PUDP: variants seen among roughly 807,000 people sequenced by gnomAD.
PUDP encodes the protein pseudouridine 5'-phosphatase, also known as pseudouridine-5'-phosphatase.
In PUDP, 8 loss-of-function variants were observed where a neutral mutation model predicts 9.4. The observed-to-expected ratio is 0.85, with a 90% confidence interval of 0.50 to 1.53. The LOEUF (loss-of-function observed/expected upper bound fraction) is 1.53. Among genes scored for constraint, PUDP ranks in the 40% most tolerant of loss-of-function variants. The probability of loss-of-function intolerance (pLI) is 0.00; values close to 1 mark genes in which losing one functional copy is unlikely to be tolerated. For missense variants in PUDP, 188 were observed against 189.7 expected, an observed-to-expected ratio of 0.99 and a Z score of 0.05; for synonymous variants, 99 against 80.7, an observed-to-expected ratio of 1.23 and a Z score of -1.22.
rs1929118543 is a variant in PUDP at position 6,987,470 on chromosome X, A to T, written c.205-9127T>A. Among the ~76,000 whole-genome samples the T allele has an allele frequency of 2.7e-5, 3 of 112,135 alleles. No individual in the cohort carries two copies. In the East Asian group the frequency reaches 8.4e-4, roughly 31 times the overall value. ...CTTAACATCACTGAGCTTTCGTTGT[A>T]AAGGAGAGGCAGTAATACCTACCTT... is the stretch of plus-strand genomic sequence containing the variant. On this transcript the variant is annotated intron_variant and NMD_transcript_variant, in intron 1 of 3. Transcript: ENST00000655425.
intron 3 of PUDP, among the ~76,000 whole-genome samples, chrX:6,772,583 A>T (rs1248941243): frequency 9.2e-6 from 1 of 108,859 alleles, no homozygotes; most frequent in African/African-American, 3.3e-5. Context: ...TCCCAGAAAA[A>T]CAAATTTCAG....
At chrX:7,045,929 T>C (rs1261666350), downstream of PUDP, among the ~76,000 whole-genome samples, 1 of 112,032 alleles carries the variant, frequency 8.9e-6, no homozygotes, top group African/African-American at 3.2e-5. Context: ...TAAACTGGAA[T>C]TGAATATGCA....
chrX:6,819,596 A>G (rs779159601), intron 3 of PUDP, among the ~76,000 whole-genome samples: 1 of 112,833 alleles, frequency 8.9e-6, no homozygotes, highest in Non-Finnish European at 1.9e-5. Flanking sequence ...ACTCAAAATC[A>G]TATTTGAAAC....
At chrX:7,110,491 A>G (rs756028819) in intron 1 of PUDP, among the ~76,000 whole-genome samples, 2 of 111,763 alleles carry the variant, frequency 1.8e-5, no homozygotes, top group South Asian at 7.6e-4. Flanking sequence ...TTTACGGGGA[A>G]AACACCTTGA....
At position 7,130,087 on chromosome X, in the gene PUDP, A is replaced by G. The variant is rs1373748708; in HGVS notation, c.61+17966T>C. On this transcript the variant is annotated intron_variant, in intron 1 of 3. Transcript: ENST00000381077. ...GGAAATCATGGTGCATCCCATGGTT[A>G]AATAATCTCCCTACCCCAGGAAGGA... is the stretch of plus-strand genomic sequence containing the variant. Among the ~76,000 whole-genome samples the G allele has an allele frequency of 2.7e-5, 3 of 111,682 alleles. No homozygotes were observed. In the Admixed American group the frequency reaches 2.9e-4, roughly 11 times the overall value.
chrX:6,735,942 G>A (rs1569089513), intron 3 of PUDP, among the ~76,000 whole-genome samples: 1 of 109,061 alleles, frequency 9.2e-6, no homozygotes, highest in East Asian at 2.9e-4. Context: ...AGGGTGTTGA[G>A]GTGGGAGAAT....
At chrX:7,136,586 C>G (rs1242713061) in intron 1 of PUDP, among the ~76,000 whole-genome samples, 1 of 111,878 alleles carries the variant, frequency 8.9e-6, no homozygotes, top group East Asian at 2.8e-4. Context: ...CACCCTTTTA[C>G]TCTTTTGAGA....
Position 6,813,066 on chromosome X carries a change from C to G in PUDP, c.*248-106600G>C, listed in dbSNP as rs1211978236. Among the ~76,000 whole-genome samples the G allele has an allele frequency of 3.7e-5, 4 of 108,662 alleles. No individual in the cohort carries two copies. In the East Asian group the frequency reaches 1.2e-3, roughly 31 times the overall value. 94.4% of individuals were successfully genotyped at this position (108,662 alleles called of 115,157 possible). On this transcript the variant is annotated intron_variant and NMD_transcript_variant, in intron 3 of 3. Coordinates refer to the PUDP transcript ENST00000655425. Reference sequence around the variant, plus strand: ...CTATAATCACACTAACATACTCCAGCCTGGGAAACAGATAGAGACACTGTC... The same window carrying G: ...CTATAATCACACTAACATACTCCAGGCTGGGAAACAGATAGAGACACTGTC...
At position 7,030,481 on chromosome X, in the gene PUDP, C is replaced by T. The variant is rs752024012; in HGVS notation, c.204+46739G>A. ...CCATGCTGAAAAGCTTAGAGTATTT[C>T]CAGGAGAATGGCATAGCACCCCACA... On this transcript the variant is annotated intron_variant and NMD_transcript_variant, in intron 1 of 3. Transcript: ENST00000655425. Among the ~76,000 whole-genome samples, 73 of 111,816 alleles carry T rather than the reference C, an allele frequency of 6.5e-4. 1 individual carries two copies. Among genetic ancestry groups the T allele is most frequent in the African/African-American group, 2.3e-3 (72 of 30,849 alleles).
chrX:7,053,319 T>A (rs1183235352), intron 3 of PUDP, among the ~76,000 whole-genome samples: 1 of 111,371 alleles, frequency 9.0e-6, no homozygotes, highest in East Asian at 2.8e-4. Flanking sequence ...AAAGAGATAA[T>A]GGAAGGCACC....
intron 1 of PUDP, among the ~76,000 whole-genome samples, chrX:6,990,995 T>G (rs1244649606): frequency 8.9e-6 from 1 of 112,656 alleles, no homozygotes; most frequent in African/African-American, 3.2e-5. Flanking sequence ...GATAGTTGCT[T>G]CTGTCACTTG....
chrX:7,038,352 C>T (rs1327526458), intron 1 of PUDP, among the ~76,000 whole-genome samples: 3 of 112,162 alleles, frequency 2.7e-5, no homozygotes, highest in South Asian at 3.7e-4. Flanking sequence ...GGCTATGTGA[C>T]GTAGGCTGGC....
intron 3 of PUDP, among the ~76,000 whole-genome samples, chrX:6,921,309 T>C (rs1928019666): frequency 9.1e-6 from 1 of 109,866 alleles, no homozygotes; most frequent in Admixed American, 9.7e-5. Flanking sequence ...CTTGAGACCT[T>C]GGAGGTTGAG....
chrX:6,866,600 C>T (rs1927090642), intron 3 of PUDP, among the ~76,000 whole-genome samples: 1 of 111,194 alleles, frequency 9.0e-6, no homozygotes, highest in Admixed American at 9.6e-5. Flanking sequence ...GATGGTGCCT[C>T]CTTGTGACTC....
chrX:7,077,030 C>T (rs150489741), intron 3 of PUDP, among the ~76,000 whole-genome samples, 190 bp downstream of exon 3: 32 of 112,070 alleles, frequency 2.9e-4, no homozygotes, highest in Middle Eastern at 4.6e-3. Flanking sequence ...GACTTAGGTG[C>T]GGCCACGATT....
rs755924032 is a variant in PUDP at position 6,979,772 on chromosome X, T to A, written c.205-1429A>T. On this transcript the variant is annotated intron_variant and NMD_transcript_variant, in intron 1 of 3. Transcript: ENST00000655425. ...ATATGTTTATTATATTTAAATAAAA[T>A]TTTAAAGCTTGAAAATATCAAAAAG... Among the ~76,000 whole-genome samples, 17 of 111,162 alleles carry A rather than the reference T, an allele frequency of 1.5e-4. No homozygotes were observed. The East Asian group carries it at 2.5e-3, about 17-fold the overall frequency.
chrX:6,819,348 CCTCT>C (rs1926300830), intron 3 of PUDP, among the ~76,000 whole-genome samples: 1 of 112,036 alleles, frequency 8.9e-6, no homozygotes, highest in Non-Finnish European at 1.9e-5. Context: ...ACACTCACTC[CCTCT>C]ATCCTGAATT....
chrX:7,004,281 G>T (rs1315478733), intron 1 of PUDP, among the ~76,000 whole-genome samples: 2 of 111,858 alleles, frequency 1.8e-5, no homozygotes, highest in Non-Finnish European at 3.8e-5. Context: ...ATTGTCCAGA[G>T]TCAGGAGCTA....
intron 3 of PUDP, among the ~76,000 whole-genome samples, chrX:6,775,880 C>A (rs990257574): frequency 5.4e-5 from 6 of 111,701 alleles, no homozygotes; most frequent in African/African-American, 2.0e-4. Flanking sequence ...GTGCCTTGAT[C>A]TTTGAGCCTC....
Sources: allele counts gnomAD v4.1 joint callset (sites outside exome capture counted in the v4.1 genomes callset), GRCh38; gene constraint gnomAD v4.1.1; transcripts MANE v1.5; gene names NCBI Gene and HGNC (gene_info 2026-07-23, HGNC 2026-07-21).